BSN: variants seen among roughly 807,000 people sequenced by gnomAD.
BSN encodes the protein protein bassoon.
In BSN, 57 loss-of-function variants were observed where a neutral mutation model predicts 264.8. That is an observed-to-expected ratio of 0.22 (90% CI 0.17 to 0.27). BSN has a LOEUF of 0.27. Among genes scored for constraint, BSN ranks in the 10% least tolerant of loss-of-function variants. The pLI, the probability that BSN is intolerant of heterozygous loss-of-function variation, is 1.00. For synonymous variants in BSN, 2,059 were observed against 2,137.3 expected (o/e 0.96, Z 1.01); for missense variants, 4,615 against 5,232.5 (o/e 0.88, Z 3.64).
intron 1 of BSN, among the ~76,000 whole-genome samples, chr3:49,568,223 C>T (rs893640950): frequency 1.1e-4 from 16 of 152,124 alleles, no homozygotes; most frequent in African/African-American, 3.6e-4. Context: ...CAGTCTGCCA[C>T]AGCTGGAAAA....
At chr3:49,614,654 C>G (rs1438886164) in intron 1 of BSN, among the ~76,000 whole-genome samples, 2 of 152,178 alleles carry the variant, frequency 1.3e-5, no homozygotes, top group Non-Finnish European at 2.9e-5. Flanking sequence ...GATGACAAGT[C>G]CATGGCCTTT....
chr3:49,664,850 C>T lies in BSN; in HGVS notation c.*11C>T, dbSNP rs1206697967. 6.2e-7 allele frequency: 1 copy of T among 1,609,714 alleles called. No individual in the cohort carries two copies. Among genetic ancestry groups the T allele is most frequent in the Admixed American group, 1.7e-5 (1 of 59,680 alleles). ...TCCTCATTCTGGTGACCATGCCCAG[C>T]ATGGTGAGTACAAGCAGCCTGTACC... On this transcript the variant is annotated 3_prime_UTR_variant, in exon 10 of 12. Transcript: ENST00000296452.
Position 49,642,930 on chromosome 3 carries a change from T to G in BSN, c.1296T>G (p.Thr432=). 6.2e-7 allele frequency: 1 copy of G among 1,613,960 alleles called. No individual in the cohort carries two copies. The highest frequency in any genetic ancestry group is 8.5e-7 in the Non-Finnish European group (1 of 1,180,006). The change falls in exon 3 of 12, where the codon ACT becomes ACG. Residue 432 remains threonine, a synonymous_variant. Coordinates refer to ENST00000296452, the MANE Select transcript of BSN (RefSeq NM_003458.4). This position sits in a 1 kb window ranked among gnomAD's most constrained non-coding sequence, Gnocchi z 7.0. The stretch of plus-strand genomic sequence containing the variant: ...CTGGACCTGGAGCCCTGCCGAAAAC[T>G]GGGGGAACAACCAGTCCAAAGCATG... ...PGSGPGALPK[T]GGTTSPKHGR... is the part of the protein sequence containing the mutation.
Position 49,651,481 on chromosome 3 carries a change from A to T in BSN, c.1987-62A>T. 1.3e-6 allele frequency: 2 copies of T among 1,497,430 alleles called. No individual in the cohort carries two copies. The highest frequency in any genetic ancestry group is 1.8e-6 in the Non-Finnish European group (2 of 1,114,534). 92.8% of individuals were successfully genotyped at this position (1,497,430 alleles called of 1,614,324 possible). On this transcript the variant is annotated intron_variant, in intron 4 of 11. Coordinates refer to ENST00000296452, the MANE Select transcript of BSN (RefSeq NM_003458.4). This position sits in a 1 kb window ranked among gnomAD's most constrained non-coding sequence, Gnocchi z 5.4. ...CAGGGTCCTGGGATTGACAGGGAGG[A>T]TTGGGTTCCCACCACGAGCTTTGCC...
In BSN at chr3:49,642,234, G is replaced by A. The variant is rs2052468982; in HGVS notation, c.634-34G>A. ...TGGGCCATGAGTACTGCCAATCCTG[G>A]CCACCCTGCTGACTATTTTGCTTTT... On this transcript the variant is annotated intron_variant, in intron 2 of 11. Coordinates refer to ENST00000296452, the MANE Select transcript of BSN (RefSeq NM_003458.4). This position sits in a 1 kb window ranked among gnomAD's most constrained non-coding sequence, Gnocchi z 7.0. 1.3e-6 allele frequency: 2 copies of A among 1,481,638 alleles called. No homozygotes were observed. The highest frequency in any genetic ancestry group is 2.4e-5 in the Admixed American group (1 of 41,294). The allele number at this position is 1,481,638 out of a possible 1,614,324, so 91.8% of individuals were successfully genotyped here. A position where few individuals can be genotyped will look rare whatever the true frequency, so the allele number is the denominator to read the frequency against.
chr3:49,668,680 G>T lies in BSN; in HGVS notation c.*1195G>T. On this transcript the variant is annotated 3_prime_UTR_variant, in exon 12 of 12. Transcript: ENST00000296452. ...CAGTGGGTGTACTCAGAGCAGAGGG[G>T]CCAGGACTTCTGCCAGCCAAGGGAA... 6.5e-6 allele frequency: 1 copy of T among 152,772 alleles called. No individual in the cohort carries two copies. The highest frequency in any genetic ancestry group is 1.5e-5 in the Non-Finnish European group (1 of 68,054). The allele number at this position is 152,772 out of a possible 1,614,324, so 9.5% of individuals were successfully genotyped here.
intron 1 of BSN, among the ~76,000 whole-genome samples, chr3:49,618,998 C>T (rs1289138217): frequency 1.3e-5 from 2 of 152,190 alleles, no homozygotes; most frequent in Non-Finnish European, 2.9e-5. Context: ...ATATGAACAC[C>T]TGTGGACCCA....
chr3:49,639,199 C>CTTTTTT (rs71631022), intron 2 of BSN, among the ~76,000 whole-genome samples: 10 of 133,850 alleles, frequency 7.5e-5, no homozygotes, highest in East Asian at 2.1e-4. Flanking sequence ...CTTTCTTTTT[C>CTTTTTT]TTTTTTTTTT....
chr3:49,614,952 T>C (rs894806105), intron 1 of BSN, among the ~76,000 whole-genome samples: 1 of 152,112 alleles, frequency 6.6e-6, no homozygotes, highest in African/African-American at 2.4e-5. Context: ...TCCCCTTGCT[T>C]TCAGACTCCT....
intron 1 of BSN, among the ~76,000 whole-genome samples, chr3:49,567,438 C>T (rs1291007924): frequency 6.6e-6 from 1 of 152,230 alleles, no homozygotes; most frequent in Non-Finnish European, 1.5e-5. Flanking sequence ...ACTCATGCAT[C>T]TGCATGCTGG....
chr3:49,637,647 TA>T (rs1475753767), intron 2 of BSN, among the ~76,000 whole-genome samples: 1 of 152,096 alleles, frequency 6.6e-6, no homozygotes, highest in Non-Finnish European at 1.5e-5. Flanking sequence ...AGGAAGCAGC[TA>T]AAAAAGACTC....
intron 1 of BSN, among the ~76,000 whole-genome samples, chr3:49,555,529 C>A (rs1338376438): frequency 6.6e-6 from 1 of 152,196 alleles, no homozygotes; most frequent in Non-Finnish European, 1.5e-5. Context: ...TTAGATCAAA[C>A]CAGTGGAAAA....
intron 1 of BSN, among the ~76,000 whole-genome samples, chr3:49,603,781 A>G (rs1411602705): frequency 6.6e-6 from 1 of 152,200 alleles, no homozygotes; most frequent in Non-Finnish European, 1.5e-5. Context: ...CATCACCTCT[A>G]TCTAGTTCCA....
At chr3:49,592,480 G>A (rs1389781042) in intron 1 of BSN, among the ~76,000 whole-genome samples, 2 of 151,008 alleles carry the variant, frequency 1.3e-5, no homozygotes, top group East Asian at 3.9e-4. Context: ...AGGGCCGGAC[G>A]CGGTGGCTCA....
In BSN at chr3:49,654,277, C is replaced by G. The variant is rs148490451; in HGVS notation, c.4721C>G (p.Ala1574Gly). The G allele has an allele frequency of 2.5e-6, 4 of 1,612,824 alleles. No homozygotes were observed. The highest frequency in any genetic ancestry group is 3.3e-5 in the Admixed American group (2 of 59,906). The stretch of plus-strand genomic sequence containing the variant: ...TCCAGCCAGACCAGGATGGTACATG[C>G]CAGTGCCTCCACCTCCCCGCTCTGC... ...DASSQTRMVHASASTSPLCSP... is the reference protein window; with the variant it reads ...DASSQTRMVHGSASTSPLCSP... The change falls in exon 5 of 12, where the codon GCC becomes GGC. Residue 1574 changes from alanine (A) to glycine (G), a missense_variant. Transcript: ENST00000296452. This position sits in a 1 kb window ranked among gnomAD's most constrained non-coding sequence, Gnocchi z 4.1.
At chr3:49,566,533 T>G (rs2051753135) in intron 1 of BSN, among the ~76,000 whole-genome samples, 1 of 152,050 alleles carries the variant, frequency 6.6e-6, no homozygotes, top group Non-Finnish European at 1.5e-5. Flanking sequence ...CCCTGTAATC[T>G]CAGCACTTTG....
At chr3:49,616,470 C>T (rs1196975520) in intron 1 of BSN, among the ~76,000 whole-genome samples, 1 of 152,254 alleles carries the variant, frequency 6.6e-6, no homozygotes, top group Non-Finnish European at 1.5e-5. Context: ...TGGGGCTCTT[C>T]TGGCCACTCT....
intron 1 of BSN, among the ~76,000 whole-genome samples, chr3:49,568,486 C>T (rs1347108328): frequency 6.6e-6 from 1 of 152,130 alleles, no homozygotes; most frequent in Non-Finnish European, 1.5e-5. Flanking sequence ...TCAGATTTTT[C>T]CCACTGTTTC....
At chr3:49,623,340 A>C (rs1362643647) in intron 1 of BSN, among the ~76,000 whole-genome samples, 1 of 152,222 alleles carries the variant, frequency 6.6e-6, no homozygotes, top group Non-Finnish European at 1.5e-5. Context: ...GTACAGACTA[A>C]AGCAGGGAGA....
Sources: allele counts gnomAD v4.1 joint callset (sites outside exome capture counted in the v4.1 genomes callset), GRCh38; gene constraint gnomAD v4.1.1; non-coding constraint Gnocchi (gnomAD v3.1); transcripts MANE v1.5; gene names NCBI Gene and HGNC (gene_info 2026-07-23, HGNC 2026-07-21).